Variants in AP4S1 observed in about 807,000 individuals in gnomAD.
The protein encoded by AP4S1 is adaptor related protein complex 4 subunit sigma 1, also known as AP-4 complex subunit sigma-1.
AP4S1 carries 23 observed loss-of-function variants against 19.8 expected under a neutral mutation model. The ratio of observed to expected loss-of-function variants is 1.16; its 90% CI spans 0.84 to 1.65. AP4S1 has a LOEUF of 1.65. AP4S1 is among the 40% of genes most tolerant of loss of function. AP4S1 has a pLI of 0.00. For missense variants in AP4S1, 166 were observed against 172.8 expected, an observed-to-expected ratio of 0.96 and a Z score of 0.22; for synonymous variants, 46 against 54.1, an observed-to-expected ratio of 0.85 and a Z score of 0.66.
chr14:31,082,769 G>T (rs906212409), intron 5 of AP4S1, among the ~76,000 whole-genome samples: 4 of 152,070 alleles, frequency 2.6e-5, no homozygotes, highest in African/African-American at 7.2e-5. Context: ...GGTGGCGGGC[G>T]CCTGTAGTCC....
intron 4 of AP4S1, 100 bp from the exon 5 acceptor site, chr14:31,080,473 C>A (rs752490407): frequency 1.0e-6 from 1 of 978,658 alleles, no homozygotes; most frequent in Non-Finnish European, 1.6e-6. Flanking sequence ...TAGGAGAGGC[C>A]GCTGCTATGG....
At chr14:31,041,324 A>C (rs915228634) in intron 1 of AP4S1, among the ~76,000 whole-genome samples, 1 of 151,592 alleles carries the variant, frequency 6.6e-6, no homozygotes, top group South Asian at 2.1e-4. Context: ...TAATTTTTGT[A>C]TTTTTAGTAG....
At chr14:31,069,648 T>C (rs1410301510) in intron 2 of AP4S1, among the ~76,000 whole-genome samples, 195 bp from the exon 3 acceptor site, 3 of 152,214 alleles carry the variant, frequency 2.0e-5, no homozygotes, top group Non-Finnish European at 4.4e-5. Flanking sequence ...CCAATACTTC[T>C]CCAGTTTCCA....
intron 4 of AP4S1, 74 bp from the exon 5 acceptor site, chr14:31,080,499 C>T: frequency 7.7e-7 from 1 of 1,290,658 alleles, no homozygotes; most frequent in Non-Finnish European, 1.1e-6. Context: ...GAAGCCTCTT[C>T]AGTCTGACTC....
rs1888148116 is a variant in AP4S1 at position 31,094,252 on chromosome 14, A to C, written c.*1217A>C. ...AGGCTGGACTGCAGTGGCTTTTCACAAGCATGATCATGTTGTACTACAACC... is the reference window on the plus strand; with the variant it reads ...AGGCTGGACTGCAGTGGCTTTTCACCAGCATGATCATGTTGTACTACAACC... On this transcript the variant is annotated 3_prime_UTR_variant, in exon 6 of 6. Coordinates refer to ENST00000542754, the MANE Select transcript of AP4S1 (RefSeq NM_001128126.3). 1 of 152,812 alleles carries C rather than the reference A, an allele frequency of 6.5e-6. No individual in the cohort carries two copies. The highest frequency in any genetic ancestry group is 2.4e-5 in the African/African-American group (1 of 41,444). The allele number at this position is 152,812 out of a possible 1,614,324, so 9.5% of individuals were successfully genotyped here. A position where few individuals can be genotyped will look rare whatever the true frequency, so the allele number is the denominator to read the frequency against.
chr14:31,079,468 C>G (rs1594704657), intron 4 of AP4S1, among the ~76,000 whole-genome samples: 1 of 151,998 alleles, frequency 6.6e-6, no homozygotes, highest in East Asian at 1.9e-4. Context: ...GCTGCACATT[C>G]GGAGGGAAGG....
chr14:31,025,619 C>A (rs557900685), upstream of AP4S1: 2,571 of 495,808 alleles, frequency 5.2e-3, 18 homozygotes, highest in Non-Finnish European at 7.2e-3. Flanking sequence ...CCGGGAAGGC[C>A]GCCTCCGGAG....
At chr14:31,089,368 C>T (rs1888014967) in intron 5 of AP4S1, among the ~76,000 whole-genome samples, 1 of 152,076 alleles carries the variant, frequency 6.6e-6, no homozygotes, top group African/African-American at 2.4e-5. Flanking sequence ...TCCCACCCTA[C>T]ATATTTTGTT....
intron 1 of AP4S1, among the ~76,000 whole-genome samples, chr14:31,045,029 G>A (rs985787054): frequency 6.6e-6 from 1 of 151,688 alleles, no homozygotes; most frequent in African/African-American, 2.4e-5. Flanking sequence ...AGCCCCCCAA[G>A]TAGCTGGGAT....
chr14:31,061,128 G>T (rs551375530), intron 1 of AP4S1, among the ~76,000 whole-genome samples: 2 of 152,060 alleles, frequency 1.3e-5, no homozygotes, highest in African/African-American at 4.8e-5. Flanking sequence ...TGATCCACTT[G>T]CCTCAGCCTC....
At chr14:31,068,633 A>G (rs1273240438) in intron 2 of AP4S1, among the ~76,000 whole-genome samples, 1 of 152,234 alleles carries the variant, frequency 6.6e-6, no homozygotes, top group Non-Finnish European at 1.5e-5. Context: ...TTCAAACATC[A>G]TTTTCACTGA....
chr14:31,025,551 G>C (rs1349518615), upstream of AP4S1: 1 of 326,146 alleles, frequency 3.1e-6, no homozygotes, highest in Non-Finnish European at 5.8e-6. Flanking sequence ...ACTCAGTGTT[G>C]AGAGGCCCCA....
upstream of AP4S1, chr14:31,025,627 G>C (rs1211420856): frequency 7.8e-6 from 4 of 510,088 alleles, no homozygotes; most frequent in East Asian, 1.1e-4. Context: ...GCCGCCTCCG[G>C]AGGAGCCCCC....
intron 5 of AP4S1, among the ~76,000 whole-genome samples, chr14:31,087,057 T>A (rs1404533009): frequency 1.3e-5 from 2 of 152,106 alleles, no homozygotes; most frequent in Non-Finnish European, 2.9e-5. Context: ...CACACCCAGC[T>A]GGCTAATTTA....
intron 1 of AP4S1, among the ~76,000 whole-genome samples, chr14:31,028,054 A>C (rs1185911546): frequency 6.6e-6 from 1 of 152,232 alleles, no homozygotes. Flanking sequence ...CTTTACTGTT[A>C]TTACAGTTTA....
Position 31,025,768 on chromosome 14 carries a change from T to C in AP4S1, c.-91T>C. On this transcript the variant is annotated 5_prime_UTR_variant, in exon 1 of 6. Coordinates refer to ENST00000542754, the MANE Select transcript of AP4S1 (RefSeq NM_001128126.3). ...CCAGGAAAAGCCGTTGAGAGGACCA[T>C]CACAACCTGAGCAGCACAGGTAGGT... 2.4e-6 allele frequency: 3 copies of C among 1,258,738 alleles called. No homozygotes were observed. The highest frequency in any genetic ancestry group is 3.2e-6 in the Non-Finnish European group (3 of 927,140). 78.0% of individuals were successfully genotyped at this position (1,258,738 alleles called of 1,614,324 possible). A position where few individuals can be genotyped will look rare whatever the true frequency, so the allele number is the denominator to read the frequency against.
At position 31,080,726 on chromosome 14, in the gene AP4S1, G is replaced by A. The variant is rs930850130; in HGVS notation, c.306+142G>A. 4 of 1,211,660 alleles carry A rather than the reference G, an allele frequency of 3.3e-6. No individual in the cohort carries two copies. In the African/African-American group the frequency reaches 6.0e-5, roughly 18 times the overall value. 75.1% of individuals were successfully genotyped at this position (1,211,660 alleles called of 1,614,324 possible). On this transcript the variant is annotated intron_variant, in intron 5 of 5. Coordinates refer to ENST00000542754, the MANE Select transcript of AP4S1 (RefSeq NM_001128126.3). ...CAACTATGACAAGACAGCCAGAGGTGTGTGTGTTCTGCAGAACTCCTCCCC... is the reference window on the plus strand; with the variant it reads ...CAACTATGACAAGACAGCCAGAGGTATGTGTGTTCTGCAGAACTCCTCCCC...
At chr14:31,079,655 G>C (rs1447091219) in intron 4 of AP4S1, among the ~76,000 whole-genome samples, 1 of 151,824 alleles carries the variant, frequency 6.6e-6, no homozygotes, top group Non-Finnish European at 1.5e-5. Context: ...CAAAACCCCC[G>C]TCTCTACAAA....
chr14:31,067,019 G>C (rs1434571850), intron 2 of AP4S1, among the ~76,000 whole-genome samples: 1 of 152,182 alleles, frequency 6.6e-6, no homozygotes, highest in African/African-American at 2.4e-5. Context: ...TGGATCACTA[G>C]AGGTCAGAAG....
Sources: allele counts gnomAD v4.1 joint callset (sites outside exome capture counted in the v4.1 genomes callset), GRCh38; gene constraint gnomAD v4.1.1; transcripts MANE v1.5; gene names NCBI Gene and HGNC (gene_info 2026-07-23, HGNC 2026-07-21).